The following TNS1 variants were observed in gnomAD, a reference collection of about 807,000 sequenced individuals.
TNS1 encodes tensin 1.
In TNS1, 62 loss-of-function variants were observed where a neutral mutation model predicts 168.6. That is an observed-to-expected ratio of 0.37 (90% CI 0.30 to 0.45). TNS1 has a LOEUF of 0.45. TNS1 is among the 20% of genes least tolerant of loss of function. The pLI is 1.00. For synonymous variants in TNS1, 934 were observed against 933.2 expected, an observed-to-expected ratio of 1.00 and a Z score of -0.02; for missense variants, 2,240 against 2,339.4, an observed-to-expected ratio of 0.96 and a Z score of 0.88.
chr2:217,907,267 G>T lies in TNS1; in HGVS notation c.229-16C>A, dbSNP rs1255728676. The stretch of plus-strand genomic sequence containing the variant: ...TGGTGATGGGCTGTGGACAGAAGGA[G>T]AAACAGCATGAGCCCTTAGGGCAGA... On this transcript the variant is annotated splice_polypyrimidine_tract_variant and intron_variant, in intron 4 of 32. Transcript: ENST00000682258. 4 of 703,002 alleles carry T rather than the reference G, an allele frequency of 5.7e-6. No homozygotes were observed. In the East Asian group the frequency reaches 1.1e-4, roughly 19 times the overall value. The allele number at this position is 703,002 out of a possible 1,614,324, so 43.5% of individuals were successfully genotyped here. A position where few individuals can be genotyped will look rare whatever the true frequency, so the allele number is the denominator to read the frequency against.
intron 25 of TNS1, 121 bp downstream of exon 25, chr2:217,814,791 C>A: frequency 1.3e-6 from 1 of 742,270 alleles, no homozygotes; most frequent in South Asian, 1.7e-5. Flanking sequence ...AACCCCAGCC[C>A]CCTCTGTGAT....
At chr2:217,991,801 A>T (rs1047687615) in intron 1 of TNS1, among the ~76,000 whole-genome samples, 1 of 151,964 alleles carries the variant, frequency 6.6e-6, no homozygotes, top group African/African-American at 2.4e-5. Context: ...CCCCTGCCCC[A>T]GCCCGGAAGG....
intron 23 of TNS1, among the ~76,000 whole-genome samples, chr2:217,819,780 C>T (rs1942520446): frequency 6.6e-6 from 1 of 152,076 alleles, no homozygotes; most frequent in African/African-American, 2.4e-5. Context: ...TTGACAGGGG[C>T]CTTACATAAA....
intron 3 of TNS1, among the ~76,000 whole-genome samples, chr2:217,956,967 G>C (rs1957380515): frequency 6.6e-6 from 1 of 152,246 alleles, no homozygotes; most frequent in Admixed American, 6.5e-5. Flanking sequence ...CAGCCCTAAG[G>C]AGACGGGATC....
At chr2:218,020,445 G>A (rs1050693639) in intron 1 of TNS1, among the ~76,000 whole-genome samples, 6 of 151,960 alleles carry the variant, frequency 3.9e-5, no homozygotes, top group South Asian at 2.1e-4. Context: ...TCTGGGAGCC[G>A]GGGAGTGACA....
At chr2:217,868,289 G>A (rs140885565) in intron 18 of TNS1, among the ~76,000 whole-genome samples, 3 of 152,368 alleles carry the variant, frequency 2.0e-5, no homozygotes, top group African/African-American at 7.2e-5. Flanking sequence ...GGAGGCCATA[G>A]CCTGCAGCCT....
chr2:217,817,151 T>G (rs981145865), intron 24 of TNS1, among the ~76,000 whole-genome samples: 3 of 152,042 alleles, frequency 2.0e-5, no homozygotes, highest in Non-Finnish European at 4.4e-5. Context: ...CCCCAAGATA[T>G]GGACACATGA....
chr2:218,014,732 T>C (rs1958740406), upstream of TNS1, among the ~76,000 whole-genome samples: 1 of 152,196 alleles, frequency 6.6e-6, no homozygotes, highest in Non-Finnish European at 1.5e-5. Context: ...TCTCACCCCT[T>C]TTCCTACCAG....
chr2:217,927,687 C>T (rs2125889049), intron 3 of TNS1, among the ~76,000 whole-genome samples: 3 of 152,290 alleles, frequency 2.0e-5, no homozygotes, highest in African/African-American at 7.2e-5. Flanking sequence ...TCTAACAAAA[C>T]ACACATTTGC....
chr2:217,804,346 C>T lies in TNS1; in HGVS notation c.*113G>A. 2.2e-6 allele frequency: 3 copies of T among 1,388,284 alleles called. No homozygotes were observed. Among genetic ancestry groups the T allele is most frequent in the Non-Finnish European group, 3.0e-6 (3 of 1,011,164 alleles). 86.0% of individuals were successfully genotyped at this position (1,388,284 alleles called of 1,614,324 possible). On this transcript the variant is annotated 3_prime_UTR_variant, in exon 33 of 33. Coordinates refer to ENST00000682258, the MANE Select transcript of TNS1 (RefSeq NM_001387777.1). ...CTCCCCACGTTGCACTTTCTTCTCTCCTCCGAAATTGGCCCAAAGTCCTCC... is the reference window on the plus strand; with the variant it reads ...CTCCCCACGTTGCACTTTCTTCTCTTCTCCGAAATTGGCCCAAAGTCCTCC...
intron 32 of TNS1, among the ~76,000 whole-genome samples, chr2:217,806,296 G>T (rs111559696): frequency 1.9e-4 from 29 of 152,242 alleles, no homozygotes; most frequent in Non-Finnish European, 7.3e-5. Context: ...AGGAGGAAGC[G>T]CTTGCAAGAT....
chr2:217,865,178 T>C (rs1320563850), intron 18 of TNS1, among the ~76,000 whole-genome samples: 1 of 152,208 alleles, frequency 6.6e-6, no homozygotes, highest in East Asian at 1.9e-4. Context: ...GAGAGGTGGC[T>C]ATGAGTACAG....
chr2:217,815,981 A>C (rs1040712296), intron 24 of TNS1, among the ~76,000 whole-genome samples: 1 of 152,098 alleles, frequency 6.6e-6, no homozygotes, highest in Non-Finnish European at 1.5e-5. Context: ...CAGCACCCCC[A>C]CACACACCCA....
At chr2:217,934,157 G>A (rs538737109) in intron 3 of TNS1, among the ~76,000 whole-genome samples, 11 of 152,310 alleles carry the variant, frequency 7.2e-5, no homozygotes, top group Middle Eastern at 3.4e-3. Flanking sequence ...ACCCAGGACA[G>A]CCAGACTGCA....
At chr2:217,805,696 TCAC>T (rs1395134113) in intron 32 of TNS1, among the ~76,000 whole-genome samples, 2 of 26,170 alleles carry the variant, frequency 7.6e-5, no homozygotes, top group African/African-American at 1.3e-4. Context: ...ATCACACACA[TCAC>T]CACATGCATA....
intron 4 of TNS1, among the ~76,000 whole-genome samples, chr2:217,910,690 T>C (rs1281161409): frequency 1.3e-5 from 2 of 149,736 alleles, no homozygotes; most frequent in East Asian, 3.9e-4. Context: ...GGCCAGGATG[T>C]TTCTACAGCT....
At chr2:217,809,646 T>G in intron 30 of TNS1, 177 bp downstream of exon 30, 1 of 646,210 alleles carries the variant, frequency 1.5e-6, no homozygotes, top group Non-Finnish European at 2.7e-6. Context: ...GGTGCATGGA[T>G]GGATGGATGG....
intron 28 of TNS1, among the ~76,000 whole-genome samples, chr2:217,810,971 A>G (rs193142957): frequency 8.0e-5 from 12 of 150,910 alleles, no homozygotes; most frequent in Middle Eastern, 6.9e-3. Context: ...TCAAACTCCC[A>G]TGCTCTAGCA....
intron 22 of TNS1, chr2:217,830,065 G>T (rs1944195131): frequency 2.3e-6 from 2 of 868,290 alleles, no homozygotes. Flanking sequence ...GGGCCGATTT[G>T]CGCTGTCCAC....
Sources: allele counts gnomAD v4.1 joint callset (sites outside exome capture counted in the v4.1 genomes callset), GRCh38; gene constraint gnomAD v4.1.1; transcripts MANE v1.5; gene names NCBI Gene and HGNC (gene_info 2026-07-23, HGNC 2026-07-21).